SNTB1: variants seen among roughly 807,000 people sequenced by gnomAD.
SNTB1 encodes syntrophin beta 1.
In SNTB1, 36 loss-of-function variants were observed where a neutral mutation model predicts 48.9. The observed-to-expected ratio is 0.74, with a 90% CI of 0.56 to 0.97. The LOEUF is 0.97. SNTB1 is among the 50% of genes least tolerant of loss of function. The probability of loss-of-function intolerance (pLI) is 0.00; values close to 1 mark genes in which losing one functional copy is unlikely to be tolerated. For missense variants in SNTB1, 786 were observed against 703.4 expected (o/e 1.12, Z -1.33); for synonymous variants, 299 against 294.6 (o/e 1.01, Z -0.15).
intron 1 of SNTB1, among the ~76,000 whole-genome samples, chr8:120,720,763 C>T (rs796304505): frequency 7.2e-5 from 11 of 152,300 alleles, no homozygotes; most frequent in African/African-American, 2.6e-4. Flanking sequence ...GAAAATGATG[C>T]TGCCTAATCG....
At chr8:120,599,969 G>A (rs1159317258) in intron 3 of SNTB1, among the ~76,000 whole-genome samples, 1 of 152,152 alleles carries the variant, frequency 6.6e-6, no homozygotes, top group East Asian at 1.9e-4. Flanking sequence ...CAATTTATTT[G>A]TTGTTAAAAA....
chr8:120,557,835 G>A (rs1815591131), intron 4 of SNTB1, among the ~76,000 whole-genome samples: 1 of 152,146 alleles, frequency 6.6e-6, no homozygotes, highest in Non-Finnish European at 1.5e-5. Context: ...TTTAACATGT[G>A]AATTCAGTTT....
chr8:120,544,027 A>C (rs1019002272), intron 5 of SNTB1, among the ~76,000 whole-genome samples: 1 of 151,800 alleles, frequency 6.6e-6, no homozygotes, highest in Non-Finnish European at 1.5e-5. Flanking sequence ...TGGGGCTCAA[A>C]GGATCCTTCC....
intron 4 of SNTB1, among the ~76,000 whole-genome samples, chr8:120,556,459 T>C (rs1815569235): frequency 6.6e-6 from 1 of 152,222 alleles, no homozygotes; most frequent in Admixed American, 6.5e-5. Context: ...TTCATTCCTA[T>C]TAAGGTGTTG....
At chr8:120,761,800 A>G (rs1819425077) in intron 1 of SNTB1, among the ~76,000 whole-genome samples, 1 of 152,208 alleles carries the variant, frequency 6.6e-6, no homozygotes, top group African/African-American at 2.4e-5. Context: ...CGATTATAAC[A>G]TTGAATAGAT....
At chr8:120,587,247 A>AAACAG (rs77506686) in intron 3 of SNTB1, among the ~76,000 whole-genome samples, 9 of 152,252 alleles carry the variant, frequency 5.9e-5, no homozygotes, top group East Asian at 5.8e-4. Flanking sequence ...AAAACAGACA[A>AAACAG]ACAAACAAAA....
chr8:120,585,221 A>G (rs1379265872), intron 3 of SNTB1, among the ~76,000 whole-genome samples: 1 of 152,218 alleles, frequency 6.6e-6, no homozygotes, highest in Non-Finnish European at 1.5e-5. Context: ...CTGAGAGGTT[A>G]TATCCTGGCT....
At chr8:120,609,667 T>A (rs1563830718) in intron 3 of SNTB1, among the ~76,000 whole-genome samples, 1 of 152,222 alleles carries the variant, frequency 6.6e-6, no homozygotes, top group African/African-American at 2.4e-5. Context: ...GATTACTTTT[T>A]AAAAGAAAAT....
At chr8:120,690,558 A>G (rs1317263458) in intron 2 of SNTB1, among the ~76,000 whole-genome samples, 1 of 152,074 alleles carries the variant, frequency 6.6e-6, no homozygotes, top group Non-Finnish European at 1.5e-5. Flanking sequence ...TGGACATTTT[A>G]CCTTGGACAT....
chr8:120,600,179 G>A (rs902882140), intron 3 of SNTB1, among the ~76,000 whole-genome samples: 2 of 152,216 alleles, frequency 1.3e-5, no homozygotes, highest in African/African-American at 4.8e-5. Flanking sequence ...TGACTAACAG[G>A]ATGCAGCAGA....
intron 1 of SNTB1, among the ~76,000 whole-genome samples, chr8:120,798,443 A>G (rs1477002154): frequency 6.6e-6 from 1 of 152,072 alleles, no homozygotes; most frequent in African/African-American, 2.4e-5. Flanking sequence ...ACTTGCACCA[A>G]GTGAGTAGAG....
intron 4 of SNTB1, among the ~76,000 whole-genome samples, chr8:120,552,118 T>A (rs1815492278): frequency 6.6e-6 from 1 of 152,172 alleles, no homozygotes. Context: ...TCATGGAGAA[T>A]CTTAGGAGTT....
intron 1 of SNTB1, among the ~76,000 whole-genome samples, chr8:120,798,204 T>C (rs1820155328): frequency 6.6e-6 from 1 of 151,936 alleles, no homozygotes; most frequent in Non-Finnish European, 1.5e-5. Flanking sequence ...TGGGGAACTT[T>C]TAAACCTTCT....
At chr8:120,606,050 G>A (rs369876151) in intron 3 of SNTB1, among the ~76,000 whole-genome samples, 9 of 152,062 alleles carry the variant, frequency 5.9e-5, no homozygotes, top group African/African-American at 2.2e-4. Flanking sequence ...TTGCAGAGTG[G>A]CCCTTAGTGA....
Position 120,654,361 on chromosome 8 carries a change from G to A in SNTB1, c.789-21710C>T, listed in dbSNP as rs1817464322. 2.6e-5 allele frequency among the ~76,000 whole-genome samples: 4 copies of A among 152,250 alleles called. No individual in the cohort carries two copies. The South Asian group carries it at 8.3e-4, about 32-fold the overall frequency. On this transcript the variant is annotated intron_variant, in intron 2 of 6. Coordinates refer to ENST00000517992, the MANE Select transcript of SNTB1 (RefSeq NM_021021.4). ...TGGCTGATTGGAGCTATTTTCAGCAGGCCAGTCTTTTATAACTCCTATTTT... is the reference window on the plus strand; with the variant it reads ...TGGCTGATTGGAGCTATTTTCAGCAAGCCAGTCTTTTATAACTCCTATTTT...
At chr8:120,591,976 A>G (rs1450545760) in intron 3 of SNTB1, among the ~76,000 whole-genome samples, 2 of 152,232 alleles carry the variant, frequency 1.3e-5, no homozygotes, top group African/African-American at 4.8e-5. Flanking sequence ...CTACTTTCTC[A>G]TAAAGGGAAT....
chr8:120,549,285 G>T (rs1481700124), intron 4 of SNTB1, among the ~76,000 whole-genome samples: 1 of 152,134 alleles, frequency 6.6e-6, no homozygotes, highest in Non-Finnish European at 1.5e-5. Flanking sequence ...CCTTTCCTGA[G>T]CATCTATATG....
chr8:120,694,009 A>G, intron 1 of SNTB1, 101 bp from the exon 2 acceptor site: 3 of 860,144 alleles, frequency 3.5e-6, no homozygotes, highest in South Asian at 3.0e-5. Flanking sequence ...ATAAGCTCTT[A>G]ATACTGAACT....
chr8:120,778,449 T>C (rs1007015127), intron 1 of SNTB1, among the ~76,000 whole-genome samples: 1 of 152,226 alleles, frequency 6.6e-6, no homozygotes, highest in Admixed American at 6.5e-5. Context: ...TGACCTCTAA[T>C]TTCATCAGTG....
Sources: gnomAD v4.1 joint callset for allele counts (sites outside exome capture counted in the v4.1 genomes callset) on GRCh38, gnomAD v4.1.1 for gene constraint, MANE v1.5 for transcripts, NCBI Gene and HGNC (gene_info 2026-07-23, HGNC 2026-07-21) for gene names.